PTPRE: variants seen among roughly 807,000 people sequenced by gnomAD.
PTPRE encodes the protein receptor-type tyrosine-protein phosphatase epsilon.
In PTPRE, 51 loss-of-function variants were observed where a neutral mutation model predicts 102.0. The ratio of observed to expected loss-of-function variants is 0.50; its 90% CI spans 0.40 to 0.63. The LOEUF (loss-of-function observed/expected upper bound fraction) is 0.63, where lower values mean the gene tolerates loss of function less well. Among genes scored for constraint, PTPRE ranks in the 30% least tolerant of loss-of-function variants. The pLI is 0.00. For missense variants in PTPRE, 752 were observed against 915.1 expected (o/e 0.82, Z 2.30); for synonymous variants, 345 against 348.2 (o/e 0.99, Z 0.10).
intron 1 of PTPRE, among the ~76,000 whole-genome samples, chr10:127,932,490 G>A (rs1044309792): frequency 6.6e-6 from 1 of 152,228 alleles, no homozygotes; most frequent in African/African-American, 2.4e-5. Context: ...GAACAGTGGC[G>A]AAGAAGGGCT....
intron 1 of PTPRE, among the ~76,000 whole-genome samples, chr10:127,908,659 G>A (rs1453573526): frequency 2.0e-5 from 3 of 152,200 alleles, no homozygotes; most frequent in African/African-American, 7.2e-5. Flanking sequence ...GAGGCGAGGT[G>A]GAGCAGGCCC....
In PTPRE at chr10:128,079,523, A is replaced by G. The variant is rs758808514; in HGVS notation, c.1893-37A>G. ...TCTCCATTTCTCATCCCCAAGTGCA[A>G]GTCGGATGATCTGCATTAAGCGCTT... On this transcript the variant is annotated intron_variant, in intron 19 of 20. Transcript: ENST00000254667. The G allele has an allele frequency of 1.4e-4, 218 of 1,602,798 alleles. No individual in the cohort carries two copies. Among genetic ancestry groups the G allele is most frequent in the Non-Finnish European group, 1.8e-4 (212 of 1,173,448 alleles).
At chr10:128,021,061 A>AT (rs1307969259) in intron 2 of PTPRE, among the ~76,000 whole-genome samples, 2 of 151,694 alleles carry the variant, frequency 1.3e-5, no homozygotes, top group East Asian at 1.9e-4. Context: ...CACCCGGCTA[A>AT]TTTTTTTGTA....
intron 1 of PTPRE, among the ~76,000 whole-genome samples, chr10:127,948,866 A>G (rs181556417): frequency 7.5e-4 from 114 of 152,334 alleles, no homozygotes; most frequent in Non-Finnish European, 9.1e-4. Flanking sequence ...TTAGCATTTG[A>G]GCCTGAGTGA....
intron 11 of PTPRE, among the ~76,000 whole-genome samples, chr10:128,067,405 C>T (rs1025997762): frequency 1.1e-4 from 15 of 139,682 alleles, no homozygotes; most frequent in African/African-American, 2.6e-4. Flanking sequence ...CACACATACA[C>T]GCACATGGGT....
chr10:128,036,446 G>A (rs1328095694), intron 2 of PTPRE, among the ~76,000 whole-genome samples: 1 of 152,164 alleles, frequency 6.6e-6, no homozygotes, highest in Non-Finnish European at 1.5e-5. Flanking sequence ...TTTCGGTGAG[G>A]GTTGATGAGG....
intron 9 of PTPRE, chr10:128,062,853 G>A (rs1350881698): frequency 1.9e-5 from 12 of 638,644 alleles, no homozygotes; most frequent in Middle Eastern, 8.7e-4. Context: ...AACTCAACCT[G>A]GGCCCAATTA....
At chr10:127,988,853 A>T (rs1397445744) in intron 2 of PTPRE, among the ~76,000 whole-genome samples, 1 of 152,224 alleles carries the variant, frequency 6.6e-6, no homozygotes, top group Non-Finnish European at 1.5e-5. Context: ...ACTGCTTATT[A>T]TGTTGCAGAG....
intron 2 of PTPRE, among the ~76,000 whole-genome samples, chr10:127,992,571 A>C (rs1852784647): frequency 6.6e-6 from 1 of 152,022 alleles, no homozygotes; most frequent in African/African-American, 2.4e-5. Flanking sequence ...GCAGCTGCTC[A>C]CCAACGCTCC....
chr10:127,924,722 C>T (rs1203063958), intron 1 of PTPRE, among the ~76,000 whole-genome samples: 1 of 152,232 alleles, frequency 6.6e-6, no homozygotes, highest in African/African-American at 2.4e-5. Context: ...TAAGGTCCCA[C>T]TGGGCTGCAG....
At chr10:127,964,883 C>T in intron 1 of PTPRE, 1 of 405,070 alleles carries the variant, frequency 2.5e-6, no homozygotes, top group Non-Finnish European at 4.9e-6. Context: ...CAGCGGGCTC[C>T]TGGTGTCGGC....
intron 1 of PTPRE, among the ~76,000 whole-genome samples, chr10:127,915,294 G>C (rs906123569): frequency 1.6e-4 from 25 of 152,116 alleles, no homozygotes; most frequent in African/African-American, 5.3e-4. Context: ...TTTTCATTGT[G>C]ATTAACACTT....
chr10:128,002,149 C>T (rs1012559488), intron 2 of PTPRE, among the ~76,000 whole-genome samples: 10 of 152,170 alleles, frequency 6.6e-5, no homozygotes, highest in African/African-American at 1.4e-4. Context: ...CCGTCGCCCC[C>T]GCTGACAGCC....
In PTPRE at chr10:128,070,577, G is replaced by A; in HGVS notation, c.1293+127G>A. On this transcript the variant is annotated intron_variant, in intron 14 of 20. Transcript: ENST00000254667. The surrounding 1 kb of genome is among the most constrained non-coding windows in gnomAD (Gnocchi z 4.8). ...TTAACTGACCTCAGAAAAAGCAGGG[G>A]CAATACCTGAGCCATGATTTACAAG... 7.6e-7 allele frequency: 1 copy of A among 1,313,468 alleles called. No individual in the cohort carries two copies. Among genetic ancestry groups the A allele is most frequent in the Non-Finnish European group, 1.0e-6 (1 of 972,664 alleles). 81.4% of individuals were successfully genotyped at this position (1,313,468 alleles called of 1,614,324 possible). A position where few individuals can be genotyped will look rare whatever the true frequency, so the allele number is the denominator to read the frequency against.
intron 1 of PTPRE, among the ~76,000 whole-genome samples, chr10:127,918,276 C>G (rs550401383): frequency 6.6e-6 from 1 of 151,914 alleles, no homozygotes; most frequent in Non-Finnish European, 1.5e-5. Context: ...AGGAGAAAAT[C>G]GGCCTGGTGC....
At chr10:128,012,837 C>T (rs1354311864) in intron 2 of PTPRE, among the ~76,000 whole-genome samples, 1 of 152,192 alleles carries the variant, frequency 6.6e-6, no homozygotes, top group Non-Finnish European at 1.5e-5. Context: ...CTAGAAATCC[C>T]TGGAAGGCAG....
intron 10 of PTPRE, among the ~76,000 whole-genome samples, chr10:128,065,486 A>T (rs1850001498): frequency 6.6e-6 from 1 of 152,192 alleles, no homozygotes; most frequent in African/African-American, 2.4e-5. Context: ...TCGGGAAGGT[A>T]AAGAAATGGG....
intron 5 of PTPRE, 139 bp downstream of exon 5, chr10:128,047,976 G>A: frequency 1.2e-6 from 1 of 808,498 alleles, no homozygotes; most frequent in South Asian, 2.1e-5. Flanking sequence ...TACCTGGTAT[G>A]ATGCTGTCAT....
At chr10:127,988,196 C>T (rs1386932028) in intron 2 of PTPRE, among the ~76,000 whole-genome samples, 3 of 152,218 alleles carry the variant, frequency 2.0e-5, no homozygotes, top group African/African-American at 7.2e-5. Context: ...GGAACTCACC[C>T]TCAACTGCAG....
Sources: gnomAD v4.1 joint callset for allele counts (sites outside exome capture counted in the v4.1 genomes callset) on GRCh38, gnomAD v4.1.1 for gene constraint, Gnocchi (gnomAD v3.1) non-coding constraint, MANE v1.5 for transcripts, NCBI Gene and HGNC (gene_info 2026-07-23, HGNC 2026-07-21) for gene names.